Variants in DMD observed in about 807,000 individuals in gnomAD.
The protein encoded by DMD is dystrophin.
A neutral mutation model predicts 330.1 loss-of-function variants in DMD; 63 were observed. That is an observed-to-expected ratio of 0.19 (90% CI 0.16 to 0.24). DMD has a LOEUF of 0.24. Among genes scored for constraint, DMD ranks in the 10% least tolerant of loss-of-function variants. The pLI is 1.00. For synonymous variants in DMD, 1,223 were observed against 959.8 expected, an observed-to-expected ratio of 1.27 and a Z score of -5.07; for missense variants, 3,344 against 2,684.1, an observed-to-expected ratio of 1.25 and a Z score of -5.43.
chrX:32,720,393 T>C (rs2066166011), intron 7 of DMD, among the ~76,000 whole-genome samples: 1 of 111,559 alleles, frequency 9.0e-6, no homozygotes, highest in Non-Finnish European at 1.9e-5. Context: ...TTACTTACAT[T>C]TTCTTTTACA....
At chrX:32,767,962 G>C (rs2073182064) in intron 7 of DMD, among the ~76,000 whole-genome samples, 1 of 111,401 alleles carries the variant, frequency 9.0e-6, no homozygotes, top group Non-Finnish European at 1.9e-5. Flanking sequence ...ATTGATAAGA[G>C]ATATAGATAT....
intron 44 of DMD, among the ~76,000 whole-genome samples, chrX:31,989,976 C>T (rs6628666): frequency 3.6e-5 from 4 of 110,890 alleles, no homozygotes; most frequent in East Asian, 2.9e-4. Context: ...CTCCTCCTTT[C>T]GGAGTGCCTA....
At chrX:32,564,957 T>C (rs2051512284) in intron 16 of DMD, among the ~76,000 whole-genome samples, 1 of 111,993 alleles carries the variant, frequency 8.9e-6, no homozygotes, top group South Asian at 3.7e-4. Context: ...TGTGGCAGAA[T>C]ATGTTAAATA....
At chrX:33,130,951 A>G (rs148845329) in intron 1 of DMD, among the ~76,000 whole-genome samples, 2,983 of 111,619 alleles carry the variant, frequency 0.027, 113 homozygotes, top group African/African-American at 0.09. Context: ...AATATTGGTA[A>G]TGTTATTCCT....
At chrX:32,533,443 C>A (rs975689073) in intron 17 of DMD, among the ~76,000 whole-genome samples, 13 of 111,910 alleles carry the variant, frequency 1.2e-4, no homozygotes, top group African/African-American at 4.2e-4. Flanking sequence ...TCACTTTCCT[C>A]ATCTTGAGCC....
intron 51 of DMD, among the ~76,000 whole-genome samples, chrX:31,737,258 T>C (rs1042105329): frequency 8.9e-6 from 1 of 112,222 alleles, no homozygotes; most frequent in African/African-American, 3.2e-5. Flanking sequence ...CATAGTATAA[T>C]ATAAGGTAGC....
intron 44 of DMD, among the ~76,000 whole-genome samples, chrX:31,989,656 A>G (rs1382504255): frequency 1.8e-5 from 2 of 111,543 alleles, no homozygotes; most frequent in Non-Finnish European, 3.8e-5. Flanking sequence ...TACGGGGAAA[A>G]AAACATAAAG....
At chrX:31,866,360 A>T (rs5927893) in intron 48 of DMD, among the ~76,000 whole-genome samples, 1 of 109,932 alleles carries the variant, frequency 9.1e-6, no homozygotes, top group African/African-American at 3.3e-5. Context: ...GCTAATTGGA[A>T]ACAGACTGGA....
intron 64 of DMD, among the ~76,000 whole-genome samples, chrX:31,211,004 T>G (rs2148604364): frequency 8.9e-6 from 1 of 112,132 alleles, no homozygotes; most frequent in Non-Finnish European, 1.9e-5. Context: ...ACTCCTCCCT[T>G]GGAAGGGAAG....
At chrX:31,900,254 C>G (rs1225342960) in intron 47 of DMD, among the ~76,000 whole-genome samples, 1 of 111,340 alleles carries the variant, frequency 9.0e-6, no homozygotes, top group Non-Finnish European at 1.9e-5. Flanking sequence ...TACGGTTTGG[C>G]TGTGTCTCCA....
intron 1 of DMD, among the ~76,000 whole-genome samples, chrX:33,190,475 C>CTTTTTTTTT (rs1179347488): frequency 7.1e-4 from 16 of 22,437 alleles, no homozygotes; most frequent in African/African-American, 1.2e-3. Flanking sequence ...ATCTTTCTTT[C>CTTTTTTTTT]TTTTTTTTTT....
chrX:31,999,689 G>C (rs1395204366), intron 44 of DMD, among the ~76,000 whole-genome samples: 1 of 111,933 alleles, frequency 8.9e-6, no homozygotes, highest in African/African-American at 3.2e-5. Flanking sequence ...TAGCCAATGA[G>C]TTAAGAAGTT....
Position 31,588,872 on chromosome X carries a change from G to GTTT in DMD, c.8217+38798_8217+38800dup, listed in dbSNP as rs58845554. ...TCCATTACTAGATAGCAAAGTCTAT[G>GTTT]TTTTTTTTTTTTTTTTTCAACTTGG... On this transcript the variant is annotated intron_variant, in intron 55 of 78. Transcript: ENST00000357033. Among the ~76,000 whole-genome samples, 478 of 77,528 alleles carry GTTT rather than the reference G, an allele frequency of 6.2e-3. 10 individuals are homozygous for GTTT. The highest frequency in any genetic ancestry group is 0.021 in the African/African-American group (447 of 21,196). 67.3% of individuals were successfully genotyped at this position (77,528 alleles called of 115,157 possible).
intron 44 of DMD, among the ~76,000 whole-genome samples, chrX:31,978,262 A>G (rs1303703750): frequency 3.6e-5 from 4 of 111,144 alleles, no homozygotes; most frequent in Non-Finnish European, 7.6e-5. Flanking sequence ...TCCAGTATGG[A>G]TACCAGCAGT....
At chrX:32,582,931 C>T (rs1429137428) in intron 13 of DMD, among the ~76,000 whole-genome samples, 1 of 111,500 alleles carries the variant, frequency 9.0e-6, no homozygotes, top group Non-Finnish European at 1.9e-5. Context: ...GATAGCACGC[C>T]TATCTCCCAG....
At chrX:31,759,671 T>A (rs2089419457) in intron 51 of DMD, among the ~76,000 whole-genome samples, 1 of 111,915 alleles carries the variant, frequency 8.9e-6, no homozygotes, top group Admixed American at 9.5e-5. Context: ...ATTCTAAATA[T>A]AAATTACTAT....
chrX:32,202,539 A>G (rs2097045660), intron 44 of DMD, among the ~76,000 whole-genome samples: 1 of 111,076 alleles, frequency 9.0e-6, no homozygotes, highest in Non-Finnish European at 1.9e-5. Context: ...TTTAGTAGAG[A>G]TGGGGTTTCG....
intron 2 of DMD, among the ~76,000 whole-genome samples, chrX:33,001,375 T>C (rs958458560): frequency 2.7e-5 from 3 of 111,969 alleles, no homozygotes; most frequent in Admixed American, 1.9e-4. Context: ...GTGGTGATAG[T>C]TCTAAAACAG....
At chrX:33,287,192 T>C (rs1412907292) in intron 1 of DMD, among the ~76,000 whole-genome samples, 4 of 111,817 alleles carry the variant, frequency 3.6e-5, no homozygotes, top group Non-Finnish European at 7.5e-5. Context: ...TCACTCAATA[T>C]TATATATTTG....
Sources: allele counts gnomAD v4.1 joint callset (sites outside exome capture counted in the v4.1 genomes callset), GRCh38; gene constraint gnomAD v4.1.1; transcripts MANE v1.5; gene names NCBI Gene and HGNC (gene_info 2026-07-23, HGNC 2026-07-21).